The following FGF12 variants were observed in gnomAD, a reference collection of about 807,000 sequenced individuals.
FGF12 encodes the protein fibroblast growth factor 12B.
Under a neutral mutation model 23.6 loss-of-function variants are expected in FGF12, and 14 were observed. The ratio of observed to expected loss-of-function variants is 0.59; its 90% CI spans 0.39 to 0.93. The LOEUF is 0.93. Ranked by LOEUF, FGF12 falls within the 40% of genes least tolerant of loss-of-function variation. The pLI is 0.00. For synonymous variants in FGF12, 62 were observed against 77.3 expected, an observed-to-expected ratio of 0.80 and a Z score of 1.04; for missense variants, 175 against 217.8, an observed-to-expected ratio of 0.80 and a Z score of 1.24.
intron 2 of FGF12, among the ~76,000 whole-genome samples, chr3:192,557,061 G>C (rs2651954): frequency 0.86 from 131,275 of 151,764 alleles, 56,839 homozygotes; most frequent in East Asian, 0.95. Flanking sequence ...AAAAGCAGCC[G>C]TAAGAGGGAG....
At chr3:192,150,847 G>T (rs963045801) in intron 5 of FGF12, among the ~76,000 whole-genome samples, 1 of 140,742 alleles carries the variant, frequency 7.1e-6, no homozygotes, top group Non-Finnish European at 1.6e-5. Flanking sequence ...TTCCAATTCT[G>T]TGAAGAAAGT....
intron 3 of FGF12, among the ~76,000 whole-genome samples, chr3:192,339,064 T>C (rs896991061): frequency 6.6e-6 from 1 of 152,204 alleles, no homozygotes. Flanking sequence ...TTGAAAGTTT[T>C]ATATGAACCA....
intron 2 of FGF12, among the ~76,000 whole-genome samples, chr3:192,721,977 C>T (rs1223590050): frequency 6.6e-6 from 1 of 152,130 alleles, no homozygotes; most frequent in Non-Finnish European, 1.5e-5. Flanking sequence ...ACATAAAATG[C>T]TAGAAATCAA....
At chr3:192,511,966 AG>A (rs1724491439) in intron 2 of FGF12, among the ~76,000 whole-genome samples, 1 of 152,206 alleles carries the variant, frequency 6.6e-6, no homozygotes, top group African/African-American at 2.4e-5. Context: ...ATATTTTCTT[AG>A]TACTATTCAT....
intron 4 of FGF12, among the ~76,000 whole-genome samples, chr3:192,204,235 T>C (rs1717526730): frequency 6.6e-6 from 1 of 152,164 alleles, no homozygotes; most frequent in South Asian, 2.1e-4. Context: ...AAAATTCCAT[T>C]TTCTTTATCA....
At chr3:192,599,269 A>AATAATAATTATAATAATT (rs1553837298) in intron 2 of FGF12, among the ~76,000 whole-genome samples, 4 of 148,078 alleles carry the variant, frequency 2.7e-5, no homozygotes, top group African/African-American at 7.5e-5. Context: ...TAATAATAAT[A>AATAATAATTATAATAATT]ATAATAATAA....
At chr3:192,651,997 G>A (rs1716229754) in intron 2 of FGF12, among the ~76,000 whole-genome samples, 1 of 152,146 alleles carries the variant, frequency 6.6e-6, no homozygotes, top group African/African-American at 2.4e-5. Context: ...GAAGAGATTG[G>A]AAGGCTCATT....
intron 3 of FGF12, among the ~76,000 whole-genome samples, chr3:192,350,066 T>A (rs1718147819): frequency 6.6e-6 from 1 of 152,106 alleles, no homozygotes; most frequent in Admixed American, 6.6e-5. Context: ...CTTATCCATA[T>A]CCATTATCAA....
At chr3:192,522,221 A>G (rs7635352) in intron 2 of FGF12, among the ~76,000 whole-genome samples, 1 of 149,546 alleles carries the variant, frequency 6.7e-6, no homozygotes, top group South Asian at 2.1e-4. Context: ...ACAAAAAAAA[A>G]CGGGGGGGAC....
intron 2 of FGF12, among the ~76,000 whole-genome samples, chr3:192,707,668 C>T (rs1285423063): frequency 2.3e-5 from 3 of 131,076 alleles, no homozygotes; most frequent in Admixed American, 1.8e-4. Context: ...ATCGCTTGAA[C>T]TTGGGAGGTG....
chr3:192,639,014 C>T (rs957143558), intron 2 of FGF12, among the ~76,000 whole-genome samples: 2 of 152,092 alleles, frequency 1.3e-5, no homozygotes, highest in African/African-American at 4.8e-5. Flanking sequence ...AAAATGGAAA[C>T]CTATGAATTG....
chr3:192,469,285 T>C (rs1040253571), intron 2 of FGF12, among the ~76,000 whole-genome samples: 5 of 152,240 alleles, frequency 3.3e-5, no homozygotes, highest in African/African-American at 1.2e-4. Flanking sequence ...AGAGTGCCTC[T>C]GTTTCTACAC....
At chr3:192,522,718 C>T (rs1358484489) in intron 2 of FGF12, among the ~76,000 whole-genome samples, 1 of 152,204 alleles carries the variant, frequency 6.6e-6, no homozygotes, top group Non-Finnish European at 1.5e-5. Flanking sequence ...AAGGAACTAA[C>T]TTACATTTTG....
At chr3:192,423,016 C>T (rs1262931635) in intron 2 of FGF12, among the ~76,000 whole-genome samples, 4 of 152,140 alleles carry the variant, frequency 2.6e-5, no homozygotes, top group African/African-American at 9.7e-5. Context: ...CTTCCAAATA[C>T]CGGAAAATCT....
intron 4 of FGF12, among the ~76,000 whole-genome samples, chr3:192,246,475 C>G (rs1274542933): frequency 6.6e-6 from 1 of 152,074 alleles, no homozygotes; most frequent in Non-Finnish European, 1.5e-5. Flanking sequence ...AGATAGTATG[C>G]AGGCTTTTCC....
At chr3:192,350,850 T>C (rs1046589713) in intron 3 of FGF12, among the ~76,000 whole-genome samples, 3 of 152,198 alleles carry the variant, frequency 2.0e-5, no homozygotes, top group Non-Finnish European at 2.9e-5. Flanking sequence ...TATTTCGTTT[T>C]ATCTTTTAAC....
Position 192,446,600 on chromosome 3 carries a change from C to A in FGF12, c.14-86062G>T, listed in dbSNP as rs9814245. On this transcript the variant is annotated intron_variant, in intron 2 of 5. Coordinates refer to ENST00000445105, the MANE Select transcript of FGF12 (RefSeq NM_004113.6). ...AGATGCATAGTCTGACAGTAGTCAG[C>A]AAACAGAGATGGTCTTTCCTTTCTA... 8.9e-3 allele frequency among the ~76,000 whole-genome samples: 1,352 copies of A among 152,296 alleles called. 18 individuals are homozygous for A. The highest frequency in any genetic ancestry group is 0.03 in the African/African-American group (1,241 of 41,562).
At chr3:192,161,637 C>T (rs1714889403) in intron 5 of FGF12, among the ~76,000 whole-genome samples, 1 of 152,016 alleles carries the variant, frequency 6.6e-6, no homozygotes, top group African/African-American at 2.4e-5. Flanking sequence ...GTGAGTTAAC[C>T]TCTAGAAATG....
intron 2 of FGF12, among the ~76,000 whole-genome samples, chr3:192,674,403 A>G (rs1409349925): frequency 6.6e-6 from 1 of 152,242 alleles, no homozygotes; most frequent in Admixed American, 6.5e-5. Context: ...AAACTGGGCT[A>G]AAACAAAATG....
Sources: allele counts gnomAD v4.1 joint callset (sites outside exome capture counted in the v4.1 genomes callset), GRCh38; gene constraint gnomAD v4.1.1; transcripts MANE v1.5; gene names NCBI Gene and HGNC (gene_info 2026-07-23, HGNC 2026-07-21).